The following ZZEF1 variants were observed in gnomAD, a reference collection of about 807,000 sequenced individuals.
The protein encoded by ZZEF1 is zinc finger ZZ-type and EF-hand domain containing 1.
ZZEF1 carries 157 observed loss-of-function variants against 342.8 expected under a neutral mutation model. The observed-to-expected ratio is 0.46, with a 90% CI of 0.40 to 0.52. ZZEF1 has a LOEUF of 0.52. ZZEF1 is among the 20% of genes least tolerant of loss of function. The pLI, the probability that ZZEF1 is intolerant of heterozygous loss-of-function variation, is 0.00. For missense variants in ZZEF1, 3,480 were observed against 3,725.6 expected (o/e 0.93, Z 1.72); for synonymous variants, 1,505 against 1,429.1 (o/e 1.05, Z -1.20).
intron 24 of ZZEF1, 131 bp from the exon 25 acceptor site, chr17:4,072,887 C>G: frequency 2.2e-6 from 2 of 918,944 alleles, no homozygotes; most frequent in Non-Finnish European, 3.2e-6. Flanking sequence ...ACCCACATAC[C>G]AGAATGTAAT....
intron 26 of ZZEF1, among the ~76,000 whole-genome samples, chr17:4,069,219 A>G (rs1221491587): frequency 2.0e-5 from 3 of 152,150 alleles, no homozygotes; most frequent in African/African-American, 7.2e-5. Context: ...CTCTACTGAA[A>G]ATTCCTTCAA....
intron 2 of ZZEF1, among the ~76,000 whole-genome samples, chr17:4,118,396 T>C (rs76853050): frequency 8.8e-4 from 134 of 152,312 alleles, no homozygotes; most frequent in African/African-American, 3.0e-3. Flanking sequence ...CAAAAGATAG[T>C]AGGGCCTTGC....
intron 16 of ZZEF1, among the ~76,000 whole-genome samples, chr17:4,085,107 A>G (rs1188050275): frequency 6.6e-6 from 1 of 152,168 alleles, no homozygotes; most frequent in African/African-American, 2.4e-5. Context: ...ACAAGAACCT[A>G]TCTAAAAACA....
chr17:4,059,022 A>G, intron 31 of ZZEF1, 149 bp downstream of exon 31: 1 of 588,008 alleles, frequency 1.7e-6, no homozygotes, highest in South Asian at 3.2e-5. Context: ...AGTTAACATT[A>G]GTGATTAGCT....
chr17:4,133,440 T>C (rs999796670), intron 1 of ZZEF1, among the ~76,000 whole-genome samples: 2 of 152,158 alleles, frequency 1.3e-5, no homozygotes, highest in African/African-American at 2.4e-5. Context: ...TCGGGTTCCT[T>C]ACCATCTGAA....
At chr17:4,069,092 C>T (rs1318588379) in intron 26 of ZZEF1, among the ~76,000 whole-genome samples, 1 of 152,216 alleles carries the variant, frequency 6.6e-6, no homozygotes, top group East Asian at 1.9e-4. Context: ...AGAGTTCCCA[C>T]AGTTGACTGT....
intron 39 of ZZEF1, among the ~76,000 whole-genome samples, chr17:4,037,433 C>T (rs2056697740): frequency 2.0e-5 from 3 of 152,220 alleles, no homozygotes; most frequent in Non-Finnish European, 4.4e-5. Flanking sequence ...ATCTGATAAA[C>T]TCCAACCCCA....
intron 15 of ZZEF1, among the ~76,000 whole-genome samples, 147 bp downstream of exon 15, chr17:4,086,320 TCCCTTTCTGGGGGATTCCC>T (rs1567828306): frequency 7.3e-6 from 1 of 136,260 alleles, no homozygotes; most frequent in African/African-American, 3.2e-5. Flanking sequence ...ACAGCGGCAA[TCCCTTTCTGGGGGATTCCC>T]ACAGCGGCAA....
Position 4,024,949 on chromosome 17 carries a change from C to T in ZZEF1, c.7062G>A (p.Leu2354=). 2 of 1,614,166 alleles carry T rather than the reference C, an allele frequency of 1.2e-6. No individual in the cohort carries two copies. Among genetic ancestry groups the T allele is most frequent in the Non-Finnish European group, 1.7e-6 (2 of 1,180,026 alleles). ...EAVEATWVLS[L]ALKGLYKTLK... Reference sequence around the variant, plus strand: ...GTGTTTTATACAATCCTTTCAGGGCCAGGGACAGGACCCAAGTTGCTTCTA... The same window carrying T: ...GTGTTTTATACAATCCTTTCAGGGCTAGGGACAGGACCCAAGTTGCTTCTA... The change falls in exon 43 of 55, where the codon CTG becomes CTA. Residue 2354 remains leucine, a synonymous_variant. Coordinates refer to ENST00000381638, the MANE Select transcript of ZZEF1 (RefSeq NM_015113.4).
chr17:4,104,964 A>G (rs764267416), intron 7 of ZZEF1, among the ~76,000 whole-genome samples, 153 bp from the exon 8 acceptor site: 2 of 152,232 alleles, frequency 1.3e-5, no homozygotes, highest in Non-Finnish European at 2.9e-5. Context: ...CCTTAAGGTA[A>G]CCTAAGGAAA....
intron 1 of ZZEF1, among the ~76,000 whole-genome samples, chr17:4,137,987 G>A (rs900879477): frequency 7.1e-5 from 10 of 140,148 alleles, no homozygotes; most frequent in African/African-American, 2.5e-4. Flanking sequence ...GGGCTCATGC[G>A]GGGGTAGGGG....
chr17:4,044,354 C>T lies in ZZEF1; in HGVS notation c.6036G>A (p.Glu2012=). Residue 2012 remains glutamate, a synonymous_variant, in exon 38 of 55, where the codon GAG becomes GAA. Transcript: ENST00000381638. ...EAGNGKRAVH[E]EIRPVDFKQR... Reference sequence around the variant, plus strand: ...GCTTGAAATCTACAGGTCTGATTTCCTCATGAACAGCTCTCTTTCCCTAAA... The same window carrying T: ...GCTTGAAATCTACAGGTCTGATTTCTTCATGAACAGCTCTCTTTCCCTAAA... 1 of 1,612,354 alleles carries T rather than the reference C, an allele frequency of 6.2e-7. No homozygotes were observed. Among genetic ancestry groups the T allele is most frequent in the Non-Finnish European group, 8.5e-7 (1 of 1,179,368 alleles).
chr17:4,011,723 C>G (rs1302391462), intron 52 of ZZEF1, among the ~76,000 whole-genome samples: 1 of 151,932 alleles, frequency 6.6e-6, no homozygotes, highest in Non-Finnish European at 1.5e-5. Flanking sequence ...TGCTTTTTCT[C>G]TTATGACTTG....
At position 4,008,653 on chromosome 17, in the gene ZZEF1, G is replaced by T. The variant is rs528427527; in HGVS notation, c.8805+230C>A. 1.6e-6 allele frequency: 2 copies of T among 1,238,984 alleles called. No individual in the cohort carries two copies. The highest frequency in any genetic ancestry group is 6.4e-5 in the South Asian group (2 of 31,192). 76.7% of individuals were successfully genotyped at this position (1,238,984 alleles called of 1,614,324 possible). On this transcript the variant is annotated intron_variant, in intron 54 of 54. Coordinates refer to ENST00000381638, the MANE Select transcript of ZZEF1 (RefSeq NM_015113.4). The surrounding 1 kb of genome is among the most constrained non-coding windows in gnomAD (Gnocchi z 4.2). ...AGGCATCGGTTGTTTTGGTTTTAAA[G>T]ACACAAATTCTTCTGACCCCACAGT...
chr17:4,055,672 T>C (rs2057141783), intron 33 of ZZEF1, among the ~76,000 whole-genome samples: 1 of 152,226 alleles, frequency 6.6e-6, no homozygotes, highest in Non-Finnish European at 1.5e-5. Flanking sequence ...TGGCACCTCA[T>C]ATTGTACATC....
chr17:4,065,971 A>G (rs1323735124), intron 28 of ZZEF1, among the ~76,000 whole-genome samples: 1 of 152,064 alleles, frequency 6.6e-6, no homozygotes, highest in East Asian at 1.9e-4. Context: ...TCTCTAAAAA[A>G]AAGTTTTTAA....
intron 5 of ZZEF1, among the ~76,000 whole-genome samples, chr17:4,110,985 T>A (rs963089720): frequency 6.6e-6 from 1 of 152,228 alleles, no homozygotes; most frequent in Non-Finnish European, 1.5e-5. Flanking sequence ...AGTGCTGGGA[T>A]TGGAGGTGTG....
intron 52 of ZZEF1, among the ~76,000 whole-genome samples, chr17:4,012,601 A>G (rs1161417087): frequency 6.6e-6 from 1 of 152,208 alleles, no homozygotes; most frequent in East Asian, 1.9e-4. Flanking sequence ...TCTCTCACAG[A>G]TGAGGAATAA....
chr17:4,039,726 C>T (rs1340414616), intron 39 of ZZEF1, among the ~76,000 whole-genome samples: 3 of 149,112 alleles, frequency 2.0e-5, no homozygotes, highest in Non-Finnish European at 4.4e-5. Context: ...TCACTGCAAC[C>T]TCCGCCTCCC....
Sources: gnomAD v4.1 joint callset for allele counts (sites outside exome capture counted in the v4.1 genomes callset) on GRCh38, gnomAD v4.1.1 for gene constraint, Gnocchi (gnomAD v3.1) non-coding constraint, MANE v1.5 for transcripts, NCBI Gene and HGNC (gene_info 2026-07-23, HGNC 2026-07-21) for gene names.